The following PARD3B variants were observed in gnomAD, a reference collection of about 807,000 sequenced individuals.
PARD3B encodes partitioning defective 3 homolog B.
A neutral mutation model predicts 130.2 loss-of-function variants in PARD3B; 103 were observed. The observed-to-expected ratio is 0.79, with a 90% CI of 0.67 to 0.93. The LOEUF (loss-of-function observed/expected upper bound fraction) is 0.93. Ranked by LOEUF, PARD3B falls within the 40% of genes least tolerant of loss-of-function variation. PARD3B has a pLI of 0.00. For missense variants in PARD3B, 1,609 were observed against 1,499.2 expected, an observed-to-expected ratio of 1.07 and a Z score of -1.21; for synonymous variants, 583 against 553.2, an observed-to-expected ratio of 1.05 and a Z score of -0.76.
chr2:204,748,796 A>G (rs1443899691), intron 2 of PARD3B, among the ~76,000 whole-genome samples: 1 of 152,162 alleles, frequency 6.6e-6, no homozygotes, highest in Non-Finnish European at 1.5e-5. Flanking sequence ...TTGGATAATA[A>G]TTTAGAATAT....
At chr2:205,323,839 A>G (rs1238416360) in intron 18 of PARD3B, among the ~76,000 whole-genome samples, 1 of 152,202 alleles carries the variant, frequency 6.6e-6, no homozygotes, top group Non-Finnish European at 1.5e-5. Flanking sequence ...AAGGGTGTTT[A>G]TTAAAGATTG....
At chr2:205,474,044 T>C (rs1315742578) in intron 20 of PARD3B, among the ~76,000 whole-genome samples, 1 of 151,940 alleles carries the variant, frequency 6.6e-6, no homozygotes, top group Non-Finnish European at 1.5e-5. Context: ...TAAGGGAAGA[T>C]AGAGATGCTG....
intron 1 of PARD3B, among the ~76,000 whole-genome samples, chr2:204,662,815 A>C (rs1433978565): frequency 1.1e-4 from 17 of 152,290 alleles, no homozygotes; most frequent in Non-Finnish European, 7.4e-5. Context: ...CATCAGTCCA[A>C]ATGGCAACAC....
chr2:205,259,010 G>A (rs2040200394), intron 16 of PARD3B, among the ~76,000 whole-genome samples: 1 of 152,084 alleles, frequency 6.6e-6, no homozygotes, highest in African/African-American at 2.4e-5. Flanking sequence ...AAATTAGTCT[G>A]TATCTAATCC....
intron 1 of PARD3B, among the ~76,000 whole-genome samples, chr2:204,595,756 G>T (rs1348247053): frequency 3.3e-5 from 5 of 152,170 alleles, no homozygotes; most frequent in Non-Finnish European, 7.3e-5. Context: ...TACTTTAAAT[G>T]TTTCATTTGT....
At chr2:205,401,212 A>T in intron 19 of PARD3B, 89 bp downstream of exon 19, 1 of 1,108,038 alleles carries the variant, frequency 9.0e-7, no homozygotes, top group African/African-American at 1.6e-5. Flanking sequence ...GAGAAATTTC[A>T]TTTTAAGAAG....
rs2039352781 is a variant in PARD3B, at chr2:205,241,560, T to C, written c.2141-4218T>C. ...CTGAAGGATAAGAAAGGGAATGAAA[T>C]AACCTTTAAATACAAATACTTTTTT... On this transcript the variant is annotated intron_variant, in intron 15 of 22. Transcript: ENST00000406610. This position sits in a 1 kb window ranked among gnomAD's most constrained non-coding sequence, Gnocchi z 4.2. 6.6e-6 allele frequency among the ~76,000 whole-genome samples: 1 copy of C among 152,012 alleles called. No homozygotes were observed. The highest frequency in any genetic ancestry group is 2.4e-5 in the African/African-American group (1 of 41,396).
intron 3 of PARD3B, among the ~76,000 whole-genome samples, chr2:204,989,142 C>T (rs1419307407): frequency 6.6e-6 from 1 of 152,038 alleles, no homozygotes; most frequent in East Asian, 1.9e-4. Flanking sequence ...GGGCAGTGTC[C>T]CTTTACCTAA....
intron 4 of PARD3B, among the ~76,000 whole-genome samples, chr2:205,079,186 G>C (rs1293892477): frequency 2.0e-5 from 3 of 152,192 alleles, no homozygotes; most frequent in Non-Finnish European, 4.4e-5. Flanking sequence ...GCATAGATCT[G>C]TTCTTACATG....
At position 205,184,634 on chromosome 2, in the gene PARD3B, C is replaced by T. The variant is rs187691180; in HGVS notation, c.1925-1130C>T. On this transcript the variant is annotated intron_variant, in intron 13 of 22. Coordinates refer to ENST00000406610, the MANE Select transcript of PARD3B (RefSeq NM_001302769.2). ...GCGAGCGCCTGTAGTTCCAGCTATT[C>T]GGGAGGCTGAGGCAGGAGAATGGCG... 4.5e-3 allele frequency among the ~76,000 whole-genome samples: 679 copies of T among 151,946 alleles called. 22 individuals carry two copies. The highest frequency in any genetic ancestry group is 0.038 in the Admixed American group (585 of 15,236).
At chr2:205,101,978 A>G (rs1051292346) in intron 4 of PARD3B, among the ~76,000 whole-genome samples, 1 of 152,124 alleles carries the variant, frequency 6.6e-6, no homozygotes, top group African/African-American at 2.4e-5. Context: ...TATACTGAAA[A>G]CCACTTAATT....
intron 4 of PARD3B, among the ~76,000 whole-genome samples, chr2:205,053,663 A>G (rs1699394262): frequency 6.6e-6 from 1 of 151,958 alleles, no homozygotes; most frequent in Non-Finnish European, 1.5e-5. Flanking sequence ...AAAAATTCCA[A>G]CATATAACTT....
intron 16 of PARD3B, among the ~76,000 whole-genome samples, chr2:205,286,946 T>G (rs2041417347): frequency 6.6e-6 from 1 of 152,266 alleles, no homozygotes; most frequent in Non-Finnish European, 1.5e-5. Context: ...ACTAATGATC[T>G]GAAGAATGGT....
Position 205,341,539 on chromosome 2 carries a change from A to C in PARD3B, c.2630+39838A>C, listed in dbSNP as rs1472801519. On this transcript the variant is annotated intron_variant, in intron 18 of 22. Coordinates refer to ENST00000406610, the MANE Select transcript of PARD3B (RefSeq NM_001302769.2). This position sits in a 1 kb window ranked among gnomAD's most constrained non-coding sequence, Gnocchi z 4.3. ...TTATGTATATGTAGAAGCTAAAAAAAATGTTTAAGCTCATGAAAGTAGAGA... is the reference window on the plus strand; with the variant it reads ...TTATGTATATGTAGAAGCTAAAAAACATGTTTAAGCTCATGAAAGTAGAGA... Among the ~76,000 whole-genome samples, 3 of 152,178 alleles carry C rather than the reference A, an allele frequency of 2.0e-5. No homozygotes were observed. In the East Asian group the frequency reaches 5.8e-4, roughly 29 times the overall value.
intron 20 of PARD3B, among the ~76,000 whole-genome samples, chr2:205,494,483 A>G (rs6705401): frequency 0.085 from 12,862 of 152,150 alleles, 745 homozygotes; most frequent in Non-Finnish European, 0.13. Context: ...TCCGTTTTAT[A>G]CCAGCTCTCT....
At chr2:204,660,186 G>A (rs1173656394) in intron 1 of PARD3B, among the ~76,000 whole-genome samples, 1 of 152,130 alleles carries the variant, frequency 6.6e-6, no homozygotes, top group Non-Finnish European at 1.5e-5. Flanking sequence ...AGAACCTTCT[G>A]AATTATAAAT....
intron 2 of PARD3B, among the ~76,000 whole-genome samples, chr2:204,927,746 C>G (rs962034258): frequency 2.6e-5 from 4 of 151,932 alleles, no homozygotes; most frequent in African/African-American, 9.7e-5. Context: ...TACTTGTGCT[C>G]CTTAATAAGA....
intron 2 of PARD3B, among the ~76,000 whole-genome samples, chr2:204,858,812 ATAAT>A (rs1363336117): frequency 1.3e-5 from 2 of 148,626 alleles, no homozygotes; most frequent in African/African-American, 4.9e-5. Flanking sequence ...AAATACATAT[ATAAT>A]ATAACATGTT....
chr2:204,838,607 A>G (rs1307688472), intron 2 of PARD3B, among the ~76,000 whole-genome samples: 1 of 152,132 alleles, frequency 6.6e-6, no homozygotes, highest in Non-Finnish European at 1.5e-5. Flanking sequence ...CTATGGGTAC[A>G]CATATACAGT....
Sources: gnomAD v4.1 joint callset for allele counts (sites outside exome capture counted in the v4.1 genomes callset) on GRCh38, gnomAD v4.1.1 for gene constraint, Gnocchi (gnomAD v3.1) non-coding constraint, MANE v1.5 for transcripts, NCBI Gene and HGNC (gene_info 2026-07-23, HGNC 2026-07-21) for gene names.